VPS50: variants seen among roughly 807,000 people sequenced by gnomAD.
VPS50 encodes syndetin.
Under a neutral mutation model 139.7 loss-of-function variants are expected in VPS50, and 70 were observed. The ratio of observed to expected loss-of-function variants is 0.50; its 90% confidence interval spans 0.41 to 0.61. The LOEUF (loss-of-function observed/expected upper bound fraction) is 0.61, where lower values mean the gene tolerates loss of function less well. Ranked by LOEUF, VPS50 falls within the 20% of genes least tolerant of loss-of-function variation. The pLI, the probability that VPS50 is intolerant of heterozygous loss-of-function variation, is 0.00. For synonymous variants in VPS50, 365 were observed against 376.7 expected (o/e 0.97, Z 0.36); for missense variants, 921 against 1,133.7 (o/e 0.81, Z 2.69).
intron 21 of VPS50, among the ~76,000 whole-genome samples, chr7:93,327,905 G>A (rs534782778): frequency 1.4e-4 from 22 of 152,266 alleles, no homozygotes; most frequent in Non-Finnish European, 2.9e-4. Flanking sequence ...CAGAAGAAAG[G>A]GACTTGTGTG....
intron 21 of VPS50, among the ~76,000 whole-genome samples, chr7:93,330,788 A>G (rs1028371643): frequency 7.5e-5 from 11 of 146,004 alleles, no homozygotes; most frequent in Admixed American, 7.0e-4. Context: ...AAAAACCCAA[A>G]CAATTGTGCT....
At chr7:93,270,949 A>G in intron 9 of VPS50, 1 of 306,326 alleles carries the variant, frequency 3.3e-6, no homozygotes, top group Non-Finnish European at 5.6e-6. Flanking sequence ...GTTTATGTAA[A>G]AGTTACCAAT....
intron 2 of VPS50, among the ~76,000 whole-genome samples, chr7:93,243,692 A>G (rs1795063135): frequency 6.6e-6 from 1 of 151,980 alleles, no homozygotes; most frequent in Admixed American, 6.6e-5. Context: ...ATTGGTTACA[A>G]GAATTAAGAA....
chr7:93,308,141 A>G (rs996386033), intron 18 of VPS50, among the ~76,000 whole-genome samples: 1 of 151,806 alleles, frequency 6.6e-6, no homozygotes, highest in Non-Finnish European at 1.5e-5. Context: ...GATGATGATG[A>G]TGATGATGAT....
chr7:93,252,688 C>T lies in VPS50; in HGVS notation c.138C>T (p.Asp46=). Residue 46 remains aspartate, a synonymous_variant, in exon 3 of 28, where the codon GAC becomes GAT. Coordinates refer to ENST00000305866, the MANE Select transcript of VPS50 (RefSeq NM_017667.4). ...GGGAACTTCGAGAACAGCCAAGTGA[C>T]CCTCAAGCTGAACAAGAGCTTATTA... ...EFRELREQPS[D]PQAEQELINS... 6.2e-7 allele frequency: 1 copy of T among 1,602,182 alleles called. No individual in the cohort carries two copies. Among genetic ancestry groups the T allele is most frequent in the Non-Finnish European group, 8.5e-7 (1 of 1,171,502 alleles).
intron 23 of VPS50, among the ~76,000 whole-genome samples, chr7:93,342,592 A>C (rs1224466527): frequency 6.6e-6 from 1 of 152,200 alleles, no homozygotes; most frequent in Non-Finnish European, 1.5e-5. Context: ...GACAGCTTTG[A>C]AGAGAGCAGT....
chr7:93,257,753 TC>T, intron 6 of VPS50: 1 of 267,594 alleles, frequency 3.7e-6, no homozygotes, highest in Non-Finnish European at 6.9e-6. Context: ...AAATTTCCAA[TC>T]TGTTACAGGC....
intron 27 of VPS50, among the ~76,000 whole-genome samples, chr7:93,357,243 AT>A (rs1297968171): frequency 6.6e-6 from 1 of 152,182 alleles, no homozygotes; most frequent in Non-Finnish European, 1.5e-5. Context: ...GCACAGCTCT[AT>A]TCGATGCAAG....
chr7:93,321,138 G>A (rs532145527), intron 20 of VPS50: 3 of 152,224 alleles, frequency 2.0e-5, no homozygotes, highest in Admixed American at 6.5e-5. Flanking sequence ...ACAGAAGACA[G>A]CAGAGCAGAA....
At chr7:93,301,945 A>C (rs893668017) in intron 16 of VPS50, among the ~76,000 whole-genome samples, 1 of 152,162 alleles carries the variant, frequency 6.6e-6, no homozygotes, top group African/African-American at 2.4e-5. Context: ...GTCTCTGATT[A>C]TGGCTGTCCT....
intron 21 of VPS50, among the ~76,000 whole-genome samples, chr7:93,332,410 CA>C (rs762523396): frequency 2.6e-5 from 4 of 152,150 alleles, no homozygotes; most frequent in Admixed American, 6.5e-5. Context: ...GCCCCACCTC[CA>C]AATGCTATCA....
chr7:93,359,179 TACAGAATCA>T lies in VPS50; in HGVS notation c.*744_*752del, dbSNP rs1268880004. 6.6e-6 allele frequency: 1 copy of T among 152,148 alleles called. No homozygotes were observed. Among genetic ancestry groups the T allele is most frequent in the Non-Finnish European group, 1.5e-5 (1 of 68,004 alleles). The allele number at this position is 152,148 out of a possible 1,614,324, so 9.4% of individuals were successfully genotyped here. On this transcript the variant is annotated 3_prime_UTR_variant, in exon 28 of 28. Coordinates refer to ENST00000305866, the MANE Select transcript of VPS50 (RefSeq NM_017667.4). ...GTACCTTTTCAATGCCTGAGTAGCATACAGAATCATGATTATGAGACTTTCTTTTATCTT... is the reference window on the plus strand; with the variant it reads ...GTACCTTTTCAATGCCTGAGTAGCATTGATTATGAGACTTTCTTTTATCTT...
In VPS50 at chr7:93,262,985, T is replaced by C. The variant is rs28590602; in HGVS notation, c.659+3353T>C. ...TCCACAAAGATAAAAGACATTGTTA[T>C]TCTAACATTCTTTTATTTTTGTCTT... On this transcript the variant is annotated intron_variant, in intron 9 of 27. Coordinates refer to ENST00000305866, the MANE Select transcript of VPS50 (RefSeq NM_017667.4). Among the ~76,000 whole-genome samples, 594 of 152,364 alleles carry C rather than the reference T, an allele frequency of 3.9e-3. 4 individuals are homozygous for C. The highest frequency in any genetic ancestry group is 0.014 in the African/African-American group (577 of 41,582).
chr7:93,233,943 G>A (rs1794719599), intron 1 of VPS50, among the ~76,000 whole-genome samples: 1 of 152,204 alleles, frequency 6.6e-6, no homozygotes, highest in Admixed American at 6.5e-5. Context: ...CGCAGAGACC[G>A]TTAGTTACAT....
intron 4 of VPS50, among the ~76,000 whole-genome samples, chr7:93,255,913 G>T (rs890454653): frequency 2.6e-5 from 4 of 152,124 alleles, no homozygotes; most frequent in African/African-American, 7.2e-5. Context: ...CCCTGAAATG[G>T]TGGAATTAGA....
At position 93,356,019 on chromosome 7, in the gene VPS50, CTT is replaced by C; in HGVS notation, c.2715_2716del (p.Ile907Ter). The C allele has an allele frequency of 6.3e-7, 1 of 1,579,338 alleles. No homozygotes were observed. The highest frequency in any genetic ancestry group is 8.7e-7 in the Non-Finnish European group (1 of 1,154,142). ...ATTCCTGATAAAGAATTTGTAGAAA[CTT>C]ATATTAAAGCTTATTACCTAACTGA... On this transcript the variant is annotated frameshift_variant, in exon 27 of 28. Transcript: ENST00000305866. LOFTEE classifies it high-confidence loss of function.
rs767083748 is a variant in VPS50 at position 93,252,687 on chromosome 7, A to G, written c.137A>G (p.Asp46Gly). The change falls in exon 3 of 28, where the codon GAC (aspartate) becomes GGC (glycine). Residue 46 changes from aspartate (D) to glycine (G), a missense_variant. Asp to Gly is a moderately conservative substitution (Grantham distance 94). Transcript: ENST00000305866. ...AGGGAACTTCGAGAACAGCCAAGTG[A>G]CCCTCAAGCTGAACAAGAGCTTATT... The part of the protein sequence containing the change: ...EFRELREQPS[D>G]PQAEQELINS... 6.2e-7 allele frequency: 1 copy of G among 1,602,552 alleles called. No homozygotes were observed. Among genetic ancestry groups the G allele is most frequent in the South Asian group, 1.1e-5 (1 of 89,796 alleles).
chr7:93,306,611 A>G (rs949899161), intron 18 of VPS50, among the ~76,000 whole-genome samples: 2 of 151,888 alleles, frequency 1.3e-5, no homozygotes, highest in African/African-American at 4.8e-5. Context: ...CCCTTGGCAA[A>G]TTATTTTAAC....
chr7:93,355,119 T>A (rs796225623), intron 26 of VPS50, among the ~76,000 whole-genome samples: 1,713 of 138,060 alleles, frequency 0.012, 14 homozygotes, highest in Non-Finnish European at 0.018. Context: ...TACTCTTTTT[T>A]AAAAAAAAAA....
Sources: allele counts gnomAD v4.1 joint callset (sites outside exome capture counted in the v4.1 genomes callset), GRCh38; gene constraint gnomAD v4.1.1; transcripts MANE v1.5; gene names NCBI Gene and HGNC (gene_info 2026-07-23, HGNC 2026-07-21).